Variants in ZNF69 observed in about 807,000 individuals in gnomAD.
ZNF69 encodes the protein zinc finger protein 69.
A neutral mutation model predicts 50.9 loss-of-function variants in ZNF69; 47 were observed. That is an observed-to-expected ratio of 0.92 (90% confidence interval 0.73 to 1.18). The LOEUF (loss-of-function observed/expected upper bound fraction) is 1.18. ZNF69 is among the 50% of genes most tolerant of loss of function. The pLI is 0.00. For missense variants in ZNF69, 717 were observed against 675.1 expected, an observed-to-expected ratio of 1.06 and a Z score of -0.69; for synonymous variants, 216 against 223.1, an observed-to-expected ratio of 0.97 and a Z score of 0.29.
intron 1 of ZNF69, among the ~76,000 whole-genome samples, chr19:11,900,616 T>A (rs1972223555): frequency 1.3e-5 from 2 of 152,140 alleles, no homozygotes; most frequent in Non-Finnish European, 1.5e-5. Context: ...CCTCCCAAAG[T>A]GCTGGGATTA....
chr19:11,963,241 C>T, the ZNF69 span, among the ~76,000 whole-genome samples: 1 of 152,170 alleles, frequency 6.6e-6, no homozygotes, highest in Non-Finnish European at 1.5e-5. Context: ...AGGTACACAC[C>T]ACCTCTCCAG....
rs1203929914 is a variant in ZNF69, at chr19:11,905,902, G to C, written c.1505G>C (p.Gly502Ala). 12 of 1,613,862 alleles carry C rather than the reference G, an allele frequency of 7.4e-6. No individual in the cohort carries two copies. Among genetic ancestry groups the C allele is most frequent in the Admixed American group, 3.3e-5 (2 of 59,938 alleles). Residue 502 changes from glycine (G) to alanine (A), a missense_variant, in exon 4 of 4, where the codon GGA (glycine) becomes GCA (alanine). Physicochemically the swap from Gly to Ala is moderately conservative, Grantham distance 60. Coordinates refer to ENST00000429654, the MANE Select transcript of ZNF69 (RefSeq NM_001364730.1). ...SLQRHEKTHTGEKLYECKQCG... is the reference protein window; with the variant it reads ...SLQRHEKTHTAEKLYECKQCG... ...CAAAGACATGAAAAAACTCACACTG[G>C]AGAGAAACTCTATGAATGCAAGCAA...
the ZNF69 span, chr19:11,949,952 C>A: frequency 6.2e-7 from 1 of 1,614,148 alleles, no homozygotes; most frequent in Non-Finnish European, 8.5e-7. Context: ...AGGACTCACA[C>A]TGGAGAGAAA....
At chr19:11,918,268 CG>C (rs1568285618), downstream of ZNF69, among the ~76,000 whole-genome samples, 1 of 152,156 alleles carries the variant, frequency 6.6e-6, no homozygotes, top group African/African-American at 2.4e-5. Context: ...CTTTCATGCA[CG>C]TGCCTTTATT....
the ZNF69 span, among the ~76,000 whole-genome samples, chr19:11,971,636 TCTC>T: frequency 6.6e-6 from 1 of 152,250 alleles, no homozygotes; most frequent in Non-Finnish European, 1.5e-5. Flanking sequence ...TGTTATTTAA[TCTC>T]CTTTTAAGGA....
downstream of ZNF69, among the ~76,000 whole-genome samples, chr19:11,910,071 A>G (rs550036793): frequency 2.0e-5 from 3 of 151,992 alleles, no homozygotes; most frequent in East Asian, 5.8e-4. Flanking sequence ...CCCATTCACA[A>G]TTGCTTCAAA....
rs577889100 is a variant in ZNF69, at chr19:11,892,092, C to T, written c.63+4106C>T. On this transcript the variant is annotated intron_variant, in intron 1 of 3. Transcript: ENST00000429654. ...TCCCTGGCTCAAGCACCTCAGCCTC[C>T]CAAGTAGCTGAGACTACAGTCGCCC... is the stretch of plus-strand genomic sequence containing the variant. Among the ~76,000 whole-genome samples the T allele has an allele frequency of 1.5e-3, 235 of 151,816 alleles. 1 individual carries two copies. The highest frequency in any genetic ancestry group is 3.6e-3 in the Admixed American group (55 of 15,252).
chr19:11,925,927 G>A, the ZNF69 span, among the ~76,000 whole-genome samples: 1,917 of 152,296 alleles, frequency 0.013, 23 homozygotes, highest in South Asian at 0.024. Flanking sequence ...GAATTGCAGG[G>A]AAAATGATGA....
At chr19:11,960,785 C>G in the ZNF69 span, among the ~76,000 whole-genome samples, 3 of 152,110 alleles carry the variant, frequency 2.0e-5, no homozygotes, top group Middle Eastern at 3.2e-3. Context: ...GTGGCCCTGG[C>G]ATGCATTTTG....
chr19:11,957,324 G>A, the ZNF69 span, among the ~76,000 whole-genome samples: 1 of 151,568 alleles, frequency 6.6e-6, no homozygotes. Context: ...TCAATCTCCT[G>A]ACCTCGTGAT....
chr19:11,949,967 A>G, the ZNF69 span: 39 of 1,614,016 alleles, frequency 2.4e-5, no homozygotes, highest in Non-Finnish European at 3.2e-5. Context: ...GAGAAACCCT[A>G]TGAATGTAAG....
chr19:11,903,495 A>G, intron 1 of ZNF69, 78 bp from the exon 2 acceptor site: 10 of 1,582,764 alleles, frequency 6.3e-6, no homozygotes, highest in Non-Finnish European at 8.6e-6. Flanking sequence ...GCATCCTGAG[A>G]ACTTCTTGAG....
the ZNF69 span, among the ~76,000 whole-genome samples, chr19:11,974,070 TTTC>T: frequency 3.4e-5 from 2 of 58,776 alleles, no homozygotes; most frequent in Admixed American, 1.8e-4. Flanking sequence ...CCTTCTTTCT[TTTC>T]TTTCTTTCTT....
chr19:11,958,601 T>A, the ZNF69 span, among the ~76,000 whole-genome samples: 2 of 152,312 alleles, frequency 1.3e-5, no homozygotes, highest in East Asian at 3.9e-4. Context: ...GGGGAGGGGC[T>A]ACAAGGGTGT....
the ZNF69 span, chr19:11,947,514 G>A: frequency 6.2e-7 from 1 of 1,610,216 alleles, no homozygotes; most frequent in Non-Finnish European, 8.5e-7. Flanking sequence ...TGTATTTTAG[G>A]AAAAAAATGG....
intron 1 of ZNF69, among the ~76,000 whole-genome samples, chr19:11,900,218 G>A (rs182372781): frequency 2.6e-5 from 4 of 152,004 alleles, no homozygotes; most frequent in African/African-American, 9.7e-5. Flanking sequence ...CTTCCCAAAG[G>A]GCTGGATTAC....
the ZNF69 span, among the ~76,000 whole-genome samples, chr19:11,954,013 G>A: frequency 2.8e-4 from 43 of 152,226 alleles, no homozygotes; most frequent in Non-Finnish European, 7.4e-5. Flanking sequence ...ACGTATGCAT[G>A]TTTTACTTTT....
the ZNF69 span, among the ~76,000 whole-genome samples, chr19:11,963,088 A>AGAGTGTGT: frequency 1.6e-4 from 22 of 138,314 alleles, no homozygotes; most frequent in South Asian, 4.8e-3. Flanking sequence ...AGAGAGAGAG[A>AGAGTGTGT]GTGTGTGTGT....
At chr19:11,965,344 C>G in the ZNF69 span, 1 of 1,284,678 alleles carries the variant, frequency 7.8e-7, no homozygotes, top group Non-Finnish European at 1.1e-6. Context: ...TGGAGCTGCT[C>G]GGCCCTCGGT....
Sources: gnomAD v4.1 joint callset for allele counts (sites outside exome capture counted in the v4.1 genomes callset) on GRCh38, gnomAD v4.1.1 for gene constraint, MANE v1.5 for transcripts, NCBI Gene and HGNC (gene_info 2026-07-23, HGNC 2026-07-21) for gene names.